Variants in TMT1A observed in about 807,000 individuals in gnomAD.
TMT1A encodes the protein thiol S-methyltransferase TMT1A.
chr12:50,925,644 T>A, the TMT1A span: 1 of 1,262,444 alleles, frequency 7.9e-7, no homozygotes, highest in Non-Finnish European at 1.1e-6. Flanking sequence ...AGTAAACTAC[T>A]AGAAAATACT....
the TMT1A span, chr12:50,925,553 G>A: frequency 1.9e-6 from 3 of 1,607,654 alleles, no homozygotes; most frequent in African/African-American, 1.3e-5. Flanking sequence ...GAAAGGGTGT[G>A]AGGAGGACTA....
At chr12:50,927,763 G>A in the TMT1A span, among the ~76,000 whole-genome samples, 1 of 152,204 alleles carries the variant, frequency 6.6e-6, no homozygotes, top group Non-Finnish European at 1.5e-5. Flanking sequence ...CAGACTCAGA[G>A]AGATTAAGGA....
At chr12:50,925,465 T>C in the TMT1A span, 6 of 1,614,110 alleles carry the variant, frequency 3.7e-6, no homozygotes, top group African/African-American at 6.7e-5. Context: ...TGTGGTGGTC[T>C]GCACCCTGGT....
the TMT1A span, chr12:50,925,128 G>C: frequency 1.2e-6 from 2 of 1,613,984 alleles, no homozygotes; most frequent in Non-Finnish European, 1.7e-6. Flanking sequence ...TGTGGAGCTG[G>C]ATATGCAAAA....
chr12:50,928,055 C>T, the TMT1A span, among the ~76,000 whole-genome samples: 1 of 152,132 alleles, frequency 6.6e-6, no homozygotes, highest in Non-Finnish European at 1.5e-5. Context: ...CAACTTCTGG[C>T]CTCAAGTGAT....
the TMT1A span, among the ~76,000 whole-genome samples, chr12:50,929,129 G>C: frequency 6.6e-6 from 1 of 152,130 alleles, no homozygotes; most frequent in Non-Finnish European, 1.5e-5. Flanking sequence ...CAGCTACTTG[G>C]GGGGCTGAGG....
At chr12:50,927,021 A>G in the TMT1A span, among the ~76,000 whole-genome samples, 445 of 152,192 alleles carry the variant, frequency 2.9e-3, 6 homozygotes, top group Non-Finnish European at 7.8e-4. Flanking sequence ...TGTAATCCCC[A>G]GTTTTCATTT....
the TMT1A span, chr12:50,931,654 T>G: frequency 7.3e-6 from 1 of 137,638 alleles, no homozygotes; most frequent in African/African-American, 2.8e-5. Context: ...AAGGTTGCAG[T>G]GAACCGAGAT....
the TMT1A span, chr12:50,931,427 G>C: frequency 6.6e-6 from 1 of 151,724 alleles, no homozygotes; most frequent in East Asian, 1.9e-4. Context: ...AAGAGACAGG[G>C]GGCTGGGCGT....
chr12:50,928,336 C>A, the TMT1A span, among the ~76,000 whole-genome samples: 9 of 152,242 alleles, frequency 5.9e-5, no homozygotes, highest in East Asian at 1.5e-3. Context: ...GAAATAGGCA[C>A]GTGAACATGG....
At chr12:50,927,831 T>C in the TMT1A span, among the ~76,000 whole-genome samples, 1 of 152,172 alleles carries the variant, frequency 6.6e-6, no homozygotes, top group East Asian at 1.9e-4. Flanking sequence ...AATGCAAATA[T>C]TCCTTTTTTT....
At chr12:50,927,290 G>A in the TMT1A span, among the ~76,000 whole-genome samples, 1 of 152,150 alleles carries the variant, frequency 6.6e-6, no homozygotes, top group East Asian at 1.9e-4. Context: ...GCCTCTCAAA[G>A]TGTTGGGATT....
chr12:50,925,620 AT>A, the TMT1A span: 1 of 1,423,498 alleles, frequency 7.0e-7, no homozygotes. Flanking sequence ...TGGCTGAAAC[AT>A]TTTAACATAA....
At chr12:50,927,081 A>G in the TMT1A span, among the ~76,000 whole-genome samples, 1 of 152,132 alleles carries the variant, frequency 6.6e-6, no homozygotes. Flanking sequence ...GTGCAGTGGC[A>G]TGATCACAGC....
chr12:50,926,041 AAAG>A, the TMT1A span, among the ~76,000 whole-genome samples: 1 of 139,194 alleles, frequency 7.2e-6, no homozygotes, highest in African/African-American at 2.7e-5. Context: ...AAAAAAAAAG[AAAG>A]AAAGAAAAAA....
chr12:50,928,568 A>C, the TMT1A span, among the ~76,000 whole-genome samples: 2 of 152,140 alleles, frequency 1.3e-5, no homozygotes, highest in African/African-American at 4.8e-5. Flanking sequence ...GCCCCTGTGC[A>C]AGTTCCCTTA....
chr12:50,925,497 G>A, the TMT1A span: 8 of 1,613,916 alleles, frequency 5.0e-6, no homozygotes, highest in Non-Finnish European at 6.8e-6. Context: ...TGAAGAACCA[G>A]GAGCGGATTC....
the TMT1A span, among the ~76,000 whole-genome samples, chr12:50,927,402 C>T: frequency 6.6e-6 from 1 of 152,150 alleles, no homozygotes; most frequent in Non-Finnish European, 1.5e-5. Flanking sequence ...GAAAATCATA[C>T]AATCCTGTCT....
the TMT1A span, among the ~76,000 whole-genome samples, chr12:50,927,761 G>A: frequency 6.6e-6 from 1 of 152,210 alleles, no homozygotes; most frequent in Admixed American, 6.5e-5. Context: ...AACAGACTCA[G>A]AGAGATTAAG....
Sources: allele counts gnomAD v4.1 joint callset (sites outside exome capture counted in the v4.1 genomes callset), GRCh38; gene constraint gnomAD v4.1.1; transcripts MANE v1.5; gene names NCBI Gene and HGNC (gene_info 2026-07-23, HGNC 2026-07-21).